The following MAP4K3 variants were observed in gnomAD, a reference collection of about 807,000 sequenced individuals.
MAP4K3 encodes the protein MAPK/ERK kinase kinase kinase 3.
MAP4K3 carries 94 observed loss-of-function variants against 143.5 expected under a neutral mutation model. The ratio of observed to expected loss-of-function variants is 0.65; its 90% confidence interval spans 0.55 to 0.78. MAP4K3 has a LOEUF of 0.78. Ranked by LOEUF, MAP4K3 falls within the 30% of genes least tolerant of loss-of-function variation. The pLI is 0.00. For missense variants in MAP4K3, 1,077 were observed against 1,068.1 expected, an observed-to-expected ratio of 1.01 and a Z score of -0.12; for synonymous variants, 416 against 347.2, an observed-to-expected ratio of 1.20 and a Z score of -2.20.
intron 4 of MAP4K3, 125 bp from the exon 5 acceptor site, chr2:39,337,706 A>C: frequency 2.2e-6 from 1 of 462,514 alleles, no homozygotes; most frequent in East Asian, 4.1e-5. Context: ...AATGTAAGCT[A>C]GGACTACAGG....
At chr2:39,432,155 T>C (rs1405033477) in intron 1 of MAP4K3, among the ~76,000 whole-genome samples, 2 of 152,244 alleles carry the variant, frequency 1.3e-5, no homozygotes, top group African/African-American at 4.8e-5. Flanking sequence ...TCCTCTCATA[T>C]TACAGCTGTT....
intron 13 of MAP4K3, among the ~76,000 whole-genome samples, chr2:39,314,047 T>C (rs1033548351): frequency 9.2e-5 from 14 of 152,170 alleles, no homozygotes; most frequent in Non-Finnish European, 1.9e-4. Flanking sequence ...CTTTTTTTTT[T>C]CCAAACAGAA....
chr2:39,385,456 T>C (rs1401613631), intron 1 of MAP4K3, among the ~76,000 whole-genome samples: 9 of 151,508 alleles, frequency 5.9e-5, no homozygotes, highest in Non-Finnish European at 1.3e-4. Flanking sequence ...TCTATTCATG[T>C]GCTTACCTGC....
chr2:39,370,791 C>G (rs1449827798), intron 2 of MAP4K3, among the ~76,000 whole-genome samples: 2 of 152,174 alleles, frequency 1.3e-5, no homozygotes, highest in Non-Finnish European at 2.9e-5. Flanking sequence ...TCACTGTTAT[C>G]TATCTGCATT....
chr2:39,387,116 C>T lies in MAP4K3; in HGVS notation c.97-8993G>A, dbSNP rs150876598. Among the ~76,000 whole-genome samples, 677 of 152,018 alleles carry T rather than the reference C, an allele frequency of 4.5e-3. 7 individuals are homozygous for T. Among genetic ancestry groups the T allele is most frequent in the African/African-American group, 0.015 (626 of 41,480 alleles). On this transcript the variant is annotated intron_variant, in intron 1 of 33. Transcript: ENST00000263881. Reference sequence around the variant, plus strand: ...GGTATGAGCCACCACCACGCCCGGCCGATTATTGTAGTTTTATAGTAAATT... The same window carrying T: ...GGTATGAGCCACCACCACGCCCGGCTGATTATTGTAGTTTTATAGTAAATT...
intron 28 of MAP4K3, among the ~76,000 whole-genome samples, chr2:39,263,005 C>G (rs1017739659): frequency 1.3e-5 from 2 of 151,732 alleles, no homozygotes; most frequent in Admixed American, 1.3e-4. Flanking sequence ...AGGCAGAGAA[C>G]TGCTTGATCC....
chr2:39,294,751 G>T (rs1030804802), intron 16 of MAP4K3, among the ~76,000 whole-genome samples: 2 of 152,170 alleles, frequency 1.3e-5, no homozygotes, highest in African/African-American at 4.8e-5. Context: ...ACAGAGTTGG[G>T]ACTTGATTAG....
intron 23 of MAP4K3, among the ~76,000 whole-genome samples, chr2:39,278,952 T>A (rs1290622797): frequency 6.6e-6 from 1 of 152,182 alleles, no homozygotes; most frequent in South Asian, 2.1e-4. Flanking sequence ...ATTAAAAAGT[T>A]AACTAAAACT....
At chr2:39,379,686 T>C (rs1348504740) in intron 1 of MAP4K3, 3 of 166,786 alleles carry the variant, frequency 1.8e-5, no homozygotes, top group African/African-American at 7.2e-5. Flanking sequence ...AGGATTCTCC[T>C]TTAGCATCTC....
chr2:39,256,420 T>C (rs1018803459), intron 31 of MAP4K3, among the ~76,000 whole-genome samples: 1 of 152,192 alleles, frequency 6.6e-6, no homozygotes, highest in African/African-American at 2.4e-5. Flanking sequence ...GACATTCCTT[T>C]CTATTCCCAA....
At chr2:39,341,675 C>G (rs7572394) in intron 4 of MAP4K3, among the ~76,000 whole-genome samples, 103,973 of 151,362 alleles carry the variant, frequency 0.69, 39,596 homozygotes, top group Non-Finnish European at 0.85. Flanking sequence ...AAAAATTCAG[C>G]AAAAGGGAAA....
intron 24 of MAP4K3, among the ~76,000 whole-genome samples, chr2:39,274,272 A>G (rs1385897251): frequency 2.0e-5 from 3 of 148,214 alleles, no homozygotes; most frequent in African/African-American, 7.5e-5. Flanking sequence ...GCTGGAGTGC[A>G]GTGGCGCGAT....
intron 4 of MAP4K3, among the ~76,000 whole-genome samples, chr2:39,342,535 TTCC>T (rs1471465647): frequency 6.6e-6 from 1 of 152,188 alleles, no homozygotes; most frequent in Non-Finnish European, 1.5e-5. Flanking sequence ...AATCCATCAT[TTCC>T]TTTTCCCTAT....
At chr2:39,345,279 G>A (rs530194325) in intron 3 of MAP4K3, among the ~76,000 whole-genome samples, 44 of 151,338 alleles carry the variant, frequency 2.9e-4, no homozygotes, top group African/African-American at 1.1e-3. Context: ...TCAGGAGGCT[G>A]AGGCAGGGTG....
At chr2:39,340,060 T>G (rs1037428943) in intron 4 of MAP4K3, among the ~76,000 whole-genome samples, 2 of 152,190 alleles carry the variant, frequency 1.3e-5, no homozygotes, top group African/African-American at 4.8e-5. Context: ...AATAAAAGGT[T>G]CTACTGTTAG....
At position 39,293,238 on chromosome 2, in the gene MAP4K3, C is replaced by T. The variant is rs1156652182; in HGVS notation, c.1209G>A (p.Leu403=). The change falls in exon 17 of 34, where the codon TTG becomes TTA. Residue 403 remains leucine, a synonymous_variant. Coordinates refer to ENST00000263881, the MANE Select transcript of MAP4K3 (RefSeq NM_003618.4). ...TTAAAAATTAAAATTACCGCTGATGCAATTCTTCTTCAACAGACTTGAGAA... is the reference window on the plus strand; with the variant it reads ...TTAAAAATTAAAATTACCGCTGATGTAATTCTTCTTCAACAGACTTGAGAA... The part of the protein sequence containing the change: ...KSLLKSVEEE[L]HQRGHVAHLE... The T allele has an allele frequency of 1.3e-6, 2 of 1,549,298 alleles. No individual in the cohort carries two copies. The highest frequency in any genetic ancestry group is 1.7e-6 in the Non-Finnish European group (2 of 1,144,156).
intron 1 of MAP4K3, among the ~76,000 whole-genome samples, chr2:39,416,231 C>T (rs1221515112): frequency 2.0e-5 from 3 of 151,682 alleles, no homozygotes; most frequent in Admixed American, 6.6e-5. Flanking sequence ...ATAACTAAGC[C>T]TTCTACATGA....
At chr2:39,370,794 T>A (rs755353474) in intron 2 of MAP4K3, among the ~76,000 whole-genome samples, 1 of 152,200 alleles carries the variant, frequency 6.6e-6, no homozygotes, top group East Asian at 1.9e-4. Context: ...CTGTTATCTA[T>A]CTGCATTTGT....
intron 5 of MAP4K3, among the ~76,000 whole-genome samples, chr2:39,337,210 C>T (rs568272974): frequency 3.9e-5 from 6 of 151,998 alleles, no homozygotes; most frequent in African/African-American, 1.2e-4. Flanking sequence ...AAAGTATATA[C>T]CTAATTAGTA....
Sources: gnomAD v4.1 joint callset for allele counts (sites outside exome capture counted in the v4.1 genomes callset) on GRCh38, gnomAD v4.1.1 for gene constraint, MANE v1.5 for transcripts, NCBI Gene and HGNC (gene_info 2026-07-23, HGNC 2026-07-21) for gene names.